Variants in CCDC27 observed in about 807,000 individuals in gnomAD.
CCDC27 encodes the protein coiled-coil domain containing 27.
A neutral mutation model predicts 80.3 loss-of-function variants in CCDC27; 80 were observed. The ratio of observed to expected loss-of-function variants is 1.00; its 90% CI spans 0.83 to 1.20. The LOEUF is 1.20. CCDC27 is among the 50% of genes most tolerant of loss of function. The probability of loss-of-function intolerance (pLI) is 0.00; values close to 1 mark genes in which losing one functional copy is unlikely to be tolerated. For synonymous variants in CCDC27, 342 were observed against 334.3 expected, an observed-to-expected ratio of 1.02 and a Z score of -0.25; for missense variants, 815 against 809.4, an observed-to-expected ratio of 1.01 and a Z score of -0.08.
chr1:3,760,700 G>T lies in CCDC27; in HGVS notation c.712-581G>T, dbSNP rs186316175. Among the ~76,000 whole-genome samples, 74 of 152,302 alleles carry T rather than the reference G, an allele frequency of 4.9e-4. No individual in the cohort carries two copies. The highest frequency in any genetic ancestry group is 1.7e-3 in the African/African-American group (72 of 41,556). On this transcript the variant is annotated intron_variant, in intron 4 of 11. Transcript: ENST00000294600. This position sits in a 1 kb window ranked among gnomAD's most constrained non-coding sequence, Gnocchi z 4.3. ...GTTATCTTTCCTTCCAGAATATTCTGTTGGGATCATTTTCCTTCCACCTGA... is the reference window on the plus strand; with the variant it reads ...GTTATCTTTCCTTCCAGAATATTCTTTTGGGATCATTTTCCTTCCACCTGA...
rs773201015 is a variant in CCDC27 at position 3,763,733 on chromosome 1, TG to T, written c.1351del (p.Asp451IlefsTer31). The T allele has an allele frequency of 3.1e-6, 5 of 1,613,932 alleles. No homozygotes were observed. The East Asian group carries it at 1.1e-4, about 36-fold the overall frequency. ...GTGATTGCGTCTTTACAACAACAAG[TG>T]GATTTCCAAGAAACCCAGCTGCGAA... ...TGVIASLQQQ[V>X]DFQETQLRKI... On this transcript the variant is annotated frameshift_variant, in exon 8 of 12. Transcript: ENST00000294600. LOFTEE classifies it high-confidence loss of function. The surrounding 1 kb of genome is among the most constrained non-coding windows in gnomAD (Gnocchi z 7.5).
intron 4 of CCDC27, among the ~76,000 whole-genome samples, chr1:3,758,547 G>A (rs1299603668): frequency 6.6e-6 from 1 of 152,184 alleles, no homozygotes; most frequent in Non-Finnish European, 1.5e-5. Context: ...GGCACGATCA[G>A]AGCTCACGGC....
At position 3,768,088 on chromosome 1, in the gene CCDC27, CTTTTTTTTTT is replaced by C. The variant is rs775378587; in HGVS notation, c.1743+656_1743+665del. On this transcript the variant is annotated intron_variant, in intron 10 of 11. Coordinates refer to ENST00000294600, the MANE Select transcript of CCDC27 (RefSeq NM_152492.3). The surrounding 1 kb of genome is among the most constrained non-coding windows in gnomAD (Gnocchi z 5.6). The stretch of plus-strand genomic sequence containing the variant: ...AAAAGGAAATCAATAAAGAGCTGAC[CTTTTTTTTTT>C]TTTTTTTTTTTTCTGAGACAGGGTC... Among the ~76,000 whole-genome samples the C allele has an allele frequency of 1.7e-5, 2 of 120,330 alleles. No homozygotes were observed. Among genetic ancestry groups the C allele is most frequent in the South Asian group, 2.6e-4 (1 of 3,802 alleles). 78.9% of individuals were successfully genotyped at this position (120,330 alleles called of 152,430 possible).
At chr1:3,765,666 T>C (rs1165018905) in intron 8 of CCDC27, among the ~76,000 whole-genome samples, 5 of 152,226 alleles carry the variant, frequency 3.3e-5, no homozygotes. Context: ...ACAGCGTTCA[T>C]CATACTGTTA....
intron 4 of CCDC27, among the ~76,000 whole-genome samples, chr1:3,757,876 C>T (rs1428084613): frequency 1.3e-5 from 2 of 149,734 alleles, no homozygotes; most frequent in South Asian, 2.1e-4. Context: ...GTGCTGAGAT[C>T]GCGCCACTGC....
chr1:3,756,964 C>G, intron 4 of CCDC27, 74 bp downstream of exon 4: 1 of 1,505,108 alleles, frequency 6.6e-7, no homozygotes, highest in Non-Finnish European at 9.0e-7. Flanking sequence ...CAGCCCTGCT[C>G]CCTGACAGGC....
rs1044982029 is a variant in CCDC27 at position 3,761,258 on chromosome 1, G to A, written c.712-23G>A. On this transcript the variant is annotated intron_variant, in intron 4 of 11. Transcript: ENST00000294600. This position sits in a 1 kb window ranked among gnomAD's most constrained non-coding sequence, Gnocchi z 5.0. ...GTGTGTGGCTGCATGGCCCACGGGG[G>A]CTGCCCTTGGTTTTCTGCCCAGGAT... 1.2e-6 allele frequency: 2 copies of A among 1,611,092 alleles called. No individual in the cohort carries two copies. Among genetic ancestry groups the A allele is most frequent in the African/African-American group, 2.7e-5 (2 of 74,840 alleles).
intron 8 of CCDC27, among the ~76,000 whole-genome samples, chr1:3,765,690 T>C (rs1239011193): frequency 6.6e-6 from 1 of 152,240 alleles, no homozygotes; most frequent in Non-Finnish European, 1.5e-5. Flanking sequence ...TTCTAACTTC[T>C]TGCACCACTT....
At chr1:3,756,611 T>C (rs1344922722) in intron 3 of CCDC27, 122 bp from the exon 4 acceptor site, 1 of 1,010,964 alleles carries the variant, frequency 9.9e-7, no homozygotes, top group Non-Finnish European at 1.5e-6. Flanking sequence ...GATTGGAGTC[T>C]GTCTGGGCAG....
rs1452197769 is a variant in CCDC27, at chr1:3,754,096, C to G, written c.319-22C>G. On this transcript the variant is annotated intron_variant, in intron 1 of 11. Coordinates refer to ENST00000294600, the MANE Select transcript of CCDC27 (RefSeq NM_152492.3). ...ACAGTCAGGGGCCTTCCTTGTCTGT[C>G]TTACTTTCCCCGCTCTGCCAGAGTG... 3.1e-6 allele frequency: 5 copies of G among 1,610,618 alleles called. No individual in the cohort carries two copies. The South Asian group carries it at 5.5e-5, about 18-fold the overall frequency.
Position 3,761,656 on chromosome 1 carries a change from G to C in CCDC27, c.861+226G>C, listed in dbSNP as rs76278926. On this transcript the variant is annotated intron_variant, in intron 5 of 11. Transcript: ENST00000294600. This position sits in a 1 kb window ranked among gnomAD's most constrained non-coding sequence, Gnocchi z 5.0. ...TGAGAGCCATGAGCTGATGCAACAG[G>C]GGGGGGAGAGATGAATGGAGGCGCA... Among the ~76,000 whole-genome samples the C allele has an allele frequency of 2.3e-4, 20 of 86,848 alleles. No individual in the cohort carries two copies. The highest frequency in any genetic ancestry group is 4.0e-4 in the Non-Finnish European group (11 of 27,242). 57.0% of individuals were successfully genotyped at this position (86,848 alleles called of 152,430 possible).
rs774296298 is a variant in CCDC27, at chr1:3,756,815, C to T, written c.636C>T (p.Val212=). The T allele has an allele frequency of 6.2e-7, 1 of 1,614,054 alleles. No individual in the cohort carries two copies. Among genetic ancestry groups the T allele is most frequent in the East Asian group, 2.2e-5 (1 of 44,880 alleles). The change falls in exon 4 of 12, where the codon GTC becomes GTT. Residue 212 remains valine (V), a synonymous_variant. Transcript: ENST00000294600. ...GAAAATCCCAGACTTTGAGTCCGGT[C>T]ACCAGCAGCTCAGTCGCATCTCAGA... The part of the protein sequence containing the change: ...KRRKSQTLSP[V]TSSSVASQSC...
At chr1:3,764,795 G>T (rs1345214577) in intron 8 of CCDC27, among the ~76,000 whole-genome samples, 8 of 152,126 alleles carry the variant, frequency 5.3e-5, no homozygotes, top group Non-Finnish European at 1.2e-4. Flanking sequence ...CAGCACTTTG[G>T]GAGGCTGAGG....
rs1643119554 is a variant in CCDC27, at chr1:3,762,800, A to G, written c.954+88A>G. 4.8e-6 allele frequency: 6 copies of G among 1,255,782 alleles called. No homozygotes were observed. In the South Asian group the frequency reaches 7.0e-5, roughly 15 times the overall value. 77.8% of individuals were successfully genotyped at this position (1,255,782 alleles called of 1,614,324 possible). On this transcript the variant is annotated intron_variant, in intron 6 of 11. Coordinates refer to ENST00000294600, the MANE Select transcript of CCDC27 (RefSeq NM_152492.3). The stretch of plus-strand genomic sequence containing the variant: ...GCTTAACTAAGAGGCCCAGGCCCCA[A>G]GTGTCCCTGCTGCAGCCCTGACCTG...
rs7516756 is a variant in CCDC27 at position 3,761,667 on chromosome 1, A to G, written c.861+237A>G. On this transcript the variant is annotated intron_variant, in intron 5 of 11. Transcript: ENST00000294600. The surrounding 1 kb of genome is among the most constrained non-coding windows in gnomAD (Gnocchi z 5.0). Reference sequence around the variant, plus strand: ...AGCTGATGCAACAGGGGGGGGAGAGATGAATGGAGGCGCAAAATGACAAAT... The same window carrying G: ...AGCTGATGCAACAGGGGGGGGAGAGGTGAATGGAGGCGCAAAATGACAAAT... 0.21 allele frequency among the ~76,000 whole-genome samples: 32,197 copies of G among 151,902 alleles called. 3,706 individuals are homozygous for G. Among genetic ancestry groups the G allele is most frequent in the Admixed American group, 0.26 (3,962 of 15,254 alleles).
rs543118303 is a variant in CCDC27, at chr1:3,766,518, C to T, written c.1453-17C>T. 55 of 1,605,162 alleles carry T rather than the reference C, an allele frequency of 3.4e-5. No individual in the cohort carries two copies. In the South Asian group the frequency reaches 5.7e-4, roughly 17 times the overall value. On this transcript the variant is annotated splice_polypyrimidine_tract_variant and intron_variant, in intron 8 of 11. Coordinates refer to ENST00000294600, the MANE Select transcript of CCDC27 (RefSeq NM_152492.3). This position sits in a 1 kb window ranked among gnomAD's most constrained non-coding sequence, Gnocchi z 6.1. Reference sequence around the variant, plus strand: ...AACCTGGGAGTCCCCCAAGCCAACCCTTCTGTCTCCTTCCAGTTCTCCAAC... The same window carrying T: ...AACCTGGGAGTCCCCCAAGCCAACCTTTCTGTCTCCTTCCAGTTCTCCAAC...
intron 1 of CCDC27, among the ~76,000 whole-genome samples, chr1:3,753,844 G>A (rs192996750): frequency 7.2e-5 from 11 of 152,192 alleles, no homozygotes; most frequent in Non-Finnish European, 1.5e-4. Flanking sequence ...TCAGGCAGAA[G>A]CAGGGCCCCC....
intron 8 of CCDC27, among the ~76,000 whole-genome samples, 196 bp downstream of exon 8, chr1:3,764,032 T>C (rs1643167368): frequency 6.6e-6 from 1 of 152,196 alleles, no homozygotes; most frequent in Non-Finnish European, 1.5e-5. Context: ...TGTGGGAGGC[T>C]GGAGCCCATG....
rs1469722023 is a variant in CCDC27 at position 3,769,647 on chromosome 1, G to A, written c.1744-136G>A. ...TTGACTTCTCTGACACCTGTTTCCA[G>A]TTTCTAAAGCCATGAAAAGTGAGGG... On this transcript the variant is annotated intron_variant, in intron 10 of 11. Coordinates refer to ENST00000294600, the MANE Select transcript of CCDC27 (RefSeq NM_152492.3). The surrounding 1 kb of genome is among the most constrained non-coding windows in gnomAD (Gnocchi z 4.6). 1 of 663,704 alleles carries A rather than the reference G, an allele frequency of 1.5e-6. No homozygotes were observed. Among genetic ancestry groups the A allele is most frequent in the Non-Finnish European group, 2.7e-6 (1 of 365,114 alleles). The allele number at this position is 663,704 out of a possible 1,614,324, so 41.1% of individuals were successfully genotyped here.
Sources: gnomAD v4.1 joint callset for allele counts (sites outside exome capture counted in the v4.1 genomes callset) on GRCh38, gnomAD v4.1.1 for gene constraint, Gnocchi (gnomAD v3.1) non-coding constraint, MANE v1.5 for transcripts, NCBI Gene and HGNC (gene_info 2026-07-23, HGNC 2026-07-21) for gene names.